Variants in IL1RAPL2 observed in about 807,000 individuals in gnomAD.
IL1RAPL2 encodes the protein interleukin 1 receptor accessory protein like 2.
In IL1RAPL2, 3 loss-of-function variants were observed where a neutral mutation model predicts 44.1. The observed-to-expected ratio is 0.07, with a 90% CI of 0.03 to 0.18. IL1RAPL2 has a LOEUF of 0.18. Ranked by LOEUF, IL1RAPL2 falls within the 10% of genes least tolerant of loss-of-function variation. IL1RAPL2 has a pLI of 1.00. For missense variants in IL1RAPL2, 391 were observed against 496.4 expected (o/e 0.79, Z 2.02); for synonymous variants, 181 against 178.8 (o/e 1.01, Z -0.10).
intron 7 of IL1RAPL2, among the ~76,000 whole-genome samples, chrX:105,731,048 T>C (rs1046038283): frequency 9.1e-6 from 1 of 110,358 alleles, no homozygotes; most frequent in Non-Finnish European, 1.9e-5. Flanking sequence ...CTAAACAAAA[T>C]AGACACTCAA....
intron 1 of IL1RAPL2, among the ~76,000 whole-genome samples, chrX:104,619,369 G>C (rs1394791574): frequency 8.9e-6 from 1 of 112,220 alleles, no homozygotes; most frequent in Non-Finnish European, 1.9e-5. Flanking sequence ...GGTCTTGGGA[G>C]AAACAAAGTG....
chrX:105,189,393 G>A (rs782512589), intron 2 of IL1RAPL2, among the ~76,000 whole-genome samples: 2 of 111,281 alleles, frequency 1.8e-5, no homozygotes, highest in African/African-American at 3.3e-5. Context: ...GGCATGCCCC[G>A]CTAATTTTTG....
At chrX:105,616,446 G>A (rs1247594665) in intron 6 of IL1RAPL2, among the ~76,000 whole-genome samples, 1 of 111,548 alleles carries the variant, frequency 9.0e-6, no homozygotes, top group Non-Finnish European at 1.9e-5. Flanking sequence ...CCAACACTTG[G>A]TATGATCAAT....
At chrX:105,631,400 C>T (rs1411186789) in intron 6 of IL1RAPL2, among the ~76,000 whole-genome samples, 2 of 111,833 alleles carry the variant, frequency 1.8e-5, no homozygotes, top group Admixed American at 1.9e-4. Context: ...ATAAACACCC[C>T]AACCATCCAT....
chrX:104,904,692 C>G (rs1274007778), intron 2 of IL1RAPL2, among the ~76,000 whole-genome samples: 5 of 109,958 alleles, frequency 4.5e-5, no homozygotes, highest in African/African-American at 1.7e-4. Flanking sequence ...TTTCTCAATC[C>G]AGTCTATCAT....
In IL1RAPL2 at chrX:105,079,109, G is replaced by A. The variant is rs966241099; in HGVS notation, c.83-116366G>A. ...TCAGTTGGAAATGCAGAAATCACCC[G>A]TCTTCTGCATCTCTCACGCTGGGAG... On this transcript the variant is annotated intron_variant, in intron 2 of 10. Transcript: ENST00000372582. 1.3e-4 allele frequency among the ~76,000 whole-genome samples: 15 copies of A among 111,931 alleles called. No individual in the cohort carries two copies. The East Asian group carries it at 2.9e-3, about 21-fold the overall frequency.
At chrX:104,956,380 G>T (rs1461020712) in intron 2 of IL1RAPL2, among the ~76,000 whole-genome samples, 1 of 111,434 alleles carries the variant, frequency 9.0e-6, no homozygotes, top group Non-Finnish European at 1.9e-5. Context: ...CCAGCACTTT[G>T]GGAGGCCAAG....
intron 5 of IL1RAPL2, among the ~76,000 whole-genome samples, chrX:105,462,384 A>G (rs1381690941): frequency 9.0e-6 from 1 of 111,009 alleles, no homozygotes; most frequent in African/African-American, 3.3e-5. Context: ...GAAGGAAAAA[A>G]ATTTGCCGAA....
chrX:104,618,333 A>C (rs1170826620), intron 1 of IL1RAPL2, among the ~76,000 whole-genome samples: 1 of 112,197 alleles, frequency 8.9e-6, no homozygotes, highest in Non-Finnish European at 1.9e-5. Flanking sequence ...CAGGCCGGGG[A>C]CAGGGAAGCC....
chrX:105,378,804 A>G (rs2035407343), intron 5 of IL1RAPL2, among the ~76,000 whole-genome samples: 1 of 112,118 alleles, frequency 8.9e-6, no homozygotes, highest in Non-Finnish European at 1.9e-5. Context: ...TAATAAAGTA[A>G]AAAATGCATC....
intron 10 of IL1RAPL2, among the ~76,000 whole-genome samples, chrX:105,759,883 C>T (rs1160004631): frequency 8.9e-6 from 1 of 111,775 alleles, no homozygotes; most frequent in African/African-American, 3.3e-5. Context: ...CTCTAATAGC[C>T]GAACAGATTG....
chrX:105,716,809 A>C (rs1003021908), intron 6 of IL1RAPL2, among the ~76,000 whole-genome samples: 3 of 112,272 alleles, frequency 2.7e-5, no homozygotes, highest in African/African-American at 9.7e-5. Context: ...AAATTTACTT[A>C]TACTTTTGAT....
chrX:105,605,215 C>CA (rs745504653), intron 6 of IL1RAPL2, among the ~76,000 whole-genome samples: 48 of 110,162 alleles, frequency 4.4e-4, no homozygotes, highest in African/African-American at 1.3e-3. Flanking sequence ...AGGACTCCAC[C>CA]AAAAAAAACT....
chrX:104,574,835 G>A (rs1390633182), intron 1 of IL1RAPL2, among the ~76,000 whole-genome samples: 1 of 112,013 alleles, frequency 8.9e-6, no homozygotes. Flanking sequence ...ATGTATTTGT[G>A]TACATCTATG....
At chrX:104,933,321 C>T (rs974719729) in intron 2 of IL1RAPL2, among the ~76,000 whole-genome samples, 3 of 111,322 alleles carry the variant, frequency 2.7e-5, no homozygotes, top group Admixed American at 9.6e-5. Flanking sequence ...TCTTTCCCCC[C>T]ATGCAGTCTA....
chrX:105,039,441 C>A (rs952841335), intron 2 of IL1RAPL2, among the ~76,000 whole-genome samples: 8 of 111,854 alleles, frequency 7.2e-5, no homozygotes, highest in Admixed American at 6.6e-4. Context: ...TCTTGTGTTA[C>A]ATTAATTGGG....
rs1166427187 is a variant in IL1RAPL2 at position 104,742,974 on chromosome X, G to A, written c.82+83979G>A. On this transcript the variant is annotated intron_variant, in intron 2 of 10. Coordinates refer to ENST00000372582, the MANE Select transcript of IL1RAPL2 (RefSeq NM_017416.2). The stretch of plus-strand genomic sequence containing the variant: ...CAACACCAATTCTAGTGTCTCTTCT[G>A]AATACAGCTGACCTGCTTGGCATCA... Among the ~76,000 whole-genome samples the A allele has an allele frequency of 2.7e-5, 3 of 111,829 alleles. No individual in the cohort carries two copies. The East Asian group carries it at 8.5e-4, about 32-fold the overall frequency.
At chrX:105,195,905 A>G (rs938165609) in intron 3 of IL1RAPL2, among the ~76,000 whole-genome samples, 157 bp downstream of exon 3, 4 of 112,018 alleles carry the variant, frequency 3.6e-5, no homozygotes, top group Non-Finnish European at 7.5e-5. Context: ...CTAATTATCT[A>G]TCAGAACTAC....
rs201386861 is a variant in IL1RAPL2, at chrX:105,711,260, CTG to C, written c.773-6106_773-6105del. ...TTTATTTGGCTCACAGTTCTGGAGA[CTG>C]AGAAATCTAAGAGATGGCACCAACA... is the stretch of plus-strand genomic sequence containing the variant. On this transcript the variant is annotated intron_variant, in intron 6 of 10. Coordinates refer to ENST00000372582, the MANE Select transcript of IL1RAPL2 (RefSeq NM_017416.2). 9.3e-3 allele frequency among the ~76,000 whole-genome samples: 1,028 copies of C among 110,484 alleles called. 4 individuals carry two copies. The highest frequency in any genetic ancestry group is 0.055 in the South Asian group (140 of 2,568).
Sources: allele counts gnomAD v4.1 joint callset (sites outside exome capture counted in the v4.1 genomes callset), GRCh38; gene constraint gnomAD v4.1.1; transcripts MANE v1.5; gene names NCBI Gene and HGNC (gene_info 2026-07-23, HGNC 2026-07-21).